Variants in MTRF1 observed in about 807,000 individuals in gnomAD.
MTRF1 encodes the protein mitochondrial translation release factor 1, also known as peptide chain release factor 1, mitochondrial.
Under a neutral mutation model 62.9 loss-of-function variants are expected in MTRF1, and 51 were observed. The observed-to-expected ratio is 0.81, with a 90% CI of 0.65 to 1.02. The LOEUF is 1.02. Among genes scored for constraint, MTRF1 ranks in the 50% least tolerant of loss-of-function variants. The pLI, the probability that MTRF1 is intolerant of heterozygous loss-of-function variation, is 0.00. For missense variants in MTRF1, 446 were observed against 530.0 expected, an observed-to-expected ratio of 0.84 and a Z score of 1.56; for synonymous variants, 158 against 181.9, an observed-to-expected ratio of 0.87 and a Z score of 1.06.
the MTRF1 span, among the ~76,000 whole-genome samples, chr13:41,297,765 T>C: frequency 2.0e-5 from 3 of 151,848 alleles, no homozygotes; most frequent in Non-Finnish European, 4.4e-5. Flanking sequence ...TTAGTAGAGA[T>C]GGGGTTTCAC....
the MTRF1 span, among the ~76,000 whole-genome samples, chr13:41,292,878 G>C: frequency 6.6e-6 from 1 of 152,194 alleles, no homozygotes; most frequent in Non-Finnish European, 1.5e-5. Context: ...CAGGGCTGCA[G>C]TGAACTATGA....
chr13:41,276,206 T>C, the MTRF1 span, among the ~76,000 whole-genome samples: 2 of 152,092 alleles, frequency 1.3e-5, no homozygotes, highest in South Asian at 4.1e-4. Flanking sequence ...TGTTTCACTC[T>C]GTTGCTCAGG....
At chr13:41,283,583 A>ATTTTT in the MTRF1 span, among the ~76,000 whole-genome samples, 6 of 35,062 alleles carry the variant, frequency 1.7e-4, no homozygotes, top group South Asian at 1.7e-3. Context: ...AGCTCTGACA[A>ATTTTT]TCTTTTTTTT....
chr13:41,271,547 G>A, the MTRF1 span, among the ~76,000 whole-genome samples: 31 of 152,236 alleles, frequency 2.0e-4, no homozygotes, highest in Non-Finnish European at 3.1e-4. Context: ...CGTTTCCATC[G>A]TCTTTCATGT....
the MTRF1 span, among the ~76,000 whole-genome samples, chr13:41,296,108 T>G: frequency 6.6e-6 from 1 of 152,126 alleles, no homozygotes; most frequent in Non-Finnish European, 1.5e-5. Flanking sequence ...CATGCCCAGT[T>G]AATTTTTCAT....
At chr13:41,299,389 G>T in the MTRF1 span, among the ~76,000 whole-genome samples, 2 of 151,950 alleles carry the variant, frequency 1.3e-5, no homozygotes, top group Admixed American at 1.3e-4. Flanking sequence ...TTTTAGAGCC[G>T]GCTTTTACTA....
intron 5 of MTRF1, among the ~76,000 whole-genome samples, chr13:41,245,010 A>G (rs1190692991): frequency 6.6e-6 from 1 of 152,206 alleles, no homozygotes; most frequent in African/African-American, 2.4e-5. Flanking sequence ...TTGCCTATCA[A>G]CAATATTTGT....
the MTRF1 span, among the ~76,000 whole-genome samples, chr13:41,272,036 C>T: frequency 2.6e-5 from 4 of 152,316 alleles, no homozygotes; most frequent in Middle Eastern, 0.01. Context: ...TTGTAGCTCT[C>T]ATCTGCCATT....
chr13:41,237,425 A>G (rs980586562), intron 6 of MTRF1, among the ~76,000 whole-genome samples: 2 of 152,008 alleles, frequency 1.3e-5, no homozygotes, highest in African/African-American at 4.8e-5. Context: ...ATGAACCAAA[A>G]TATTTATCAT....
the MTRF1 span, among the ~76,000 whole-genome samples, chr13:41,283,746 C>T: frequency 6.6e-6 from 1 of 151,418 alleles, no homozygotes; most frequent in East Asian, 1.9e-4. Flanking sequence ...CCCGCCACTA[C>T]GCCCGGCTAA....
chr13:41,287,733 T>C, the MTRF1 span: 1 of 183,466 alleles, frequency 5.5e-6, no homozygotes, highest in African/African-American at 2.4e-5. Flanking sequence ...AATGAGAGGC[T>C]CAGACATTTA....
intron 2 of MTRF1, among the ~76,000 whole-genome samples, chr13:41,256,741 C>T (rs142197285): frequency 0.01 from 1,546 of 152,312 alleles, 10 homozygotes; most frequent in Middle Eastern, 0.017. Context: ...GAAAAACCTT[C>T]TGATTTGCAA....
At chr13:41,234,699 T>C (rs2036175825) in intron 6 of MTRF1, among the ~76,000 whole-genome samples, 1 of 152,372 alleles carries the variant, frequency 6.6e-6, no homozygotes, top group Non-Finnish European at 1.5e-5. Context: ...TATCCACAAA[T>C]CAACACCCGA....
In MTRF1 at chr13:41,260,637, G is replaced by T. The variant is rs768825466; in HGVS notation, c.271C>A (p.Gln91Lys). The change falls in exon 2 of 10, where the codon CAA (glutamine) becomes AAA (lysine). Residue 91 changes from glutamine (Q) to lysine (K), a missense_variant. Transcript: ENST00000379480. ...NLSKEYQTLE[Q>K]CLQHIPVNEE... ...TTCACAGGGATATGCTGCAGACATT[G>T]CTCAAGTGTTTGGTACTCCTTACTC... 35 of 1,614,124 alleles carry T rather than the reference G, an allele frequency of 2.2e-5. 1 individual carries two copies. The Middle Eastern group carries it at 2.5e-3, about 114-fold the overall frequency.
chr13:41,247,128 A>G (rs898916686), intron 5 of MTRF1, among the ~76,000 whole-genome samples: 6 of 152,220 alleles, frequency 3.9e-5, no homozygotes, highest in African/African-American at 1.4e-4. Flanking sequence ...TGAGATAAAT[A>G]CATGCAGAAC....
chr13:41,311,712 G>A, the MTRF1 span: 2 of 852,152 alleles, frequency 2.3e-6, no homozygotes, highest in Non-Finnish European at 3.6e-6. Flanking sequence ...GTTTACCTCG[G>A]AGGTCGCGGG....
chr13:41,235,207 C>T (rs1393410904), intron 6 of MTRF1: 1 of 152,138 alleles, frequency 6.6e-6, no homozygotes, highest in Non-Finnish European at 1.5e-5. Context: ...CTTCCTGCCT[C>T]AACCTCCTGA....
At chr13:41,261,022 C>T in intron 1 of MTRF1, 107 bp from the exon 2 acceptor site, 1 of 1,056,916 alleles carries the variant, frequency 9.5e-7, no homozygotes, top group Non-Finnish European at 1.3e-6. Flanking sequence ...ACTGCCTCAG[C>T]CAGCTCCACA....
At position 41,249,552 on chromosome 13, in the gene MTRF1, A is replaced by G. The variant is rs1429822313; in HGVS notation, c.697+3093T>C. On this transcript the variant is annotated intron_variant, in intron 5 of 9. Coordinates refer to ENST00000379480, the MANE Select transcript of MTRF1 (RefSeq NM_004294.4). The stretch of plus-strand genomic sequence containing the variant: ...TGAAACTCTGCCTCAAAAAAGAAAG[A>G]AATCAATTTTTTAGAAATTATAATT... Among the ~76,000 whole-genome samples, 4 of 151,894 alleles carry G rather than the reference A, an allele frequency of 2.6e-5. No homozygotes were observed. In the East Asian group the frequency reaches 5.8e-4, roughly 22 times the overall value.
Sources: gnomAD v4.1 joint callset for allele counts (sites outside exome capture counted in the v4.1 genomes callset) on GRCh38, gnomAD v4.1.1 for gene constraint, MANE v1.5 for transcripts, NCBI Gene and HGNC (gene_info 2026-07-23, HGNC 2026-07-21) for gene names.